The following SYN2 variants were observed in gnomAD, a reference collection of about 807,000 sequenced individuals.
SYN2 encodes the protein synapsin-2.
Under a neutral mutation model 50.9 loss-of-function variants are expected in SYN2, and 19 were observed. That is an observed-to-expected ratio of 0.37 (90% CI 0.26 to 0.55). The LOEUF is 0.55. SYN2 is among the 20% of genes least tolerant of loss of function. SYN2 has a pLI of 0.81. For synonymous variants in SYN2, 255 were observed against 224.9 expected, an observed-to-expected ratio of 1.13 and a Z score of -1.20; for missense variants, 587 against 576.4, an observed-to-expected ratio of 1.02 and a Z score of -0.19.
chr3:12,157,085 T>A, intron 5 of SYN2: 1 of 644,610 alleles, frequency 1.6e-6, no homozygotes, highest in Non-Finnish European at 2.7e-6. Flanking sequence ...TGGGTTATTT[T>A]CTCTCTTAAA....
chr3:12,085,951 A>G (rs1433916390), intron 1 of SYN2, among the ~76,000 whole-genome samples: 1 of 152,148 alleles, frequency 6.6e-6, no homozygotes, highest in Non-Finnish European at 1.5e-5. Context: ...AATATCAATA[A>G]AACTAAAAGT....
chr3:12,161,631 G>C (rs561656227), intron 6 of SYN2, 23 bp downstream of exon 6: 1 of 1,613,876 alleles, frequency 6.2e-7, no homozygotes, highest in Admixed American at 1.7e-5. Context: ...GGCCTGCTGT[G>C]CTTCAGGGTT....
At chr3:12,121,482 G>A (rs925746816) in intron 1 of SYN2, among the ~76,000 whole-genome samples, 8 of 152,134 alleles carry the variant, frequency 5.3e-5, no homozygotes, top group African/African-American at 1.9e-4. Flanking sequence ...GACAGGGAAA[G>A]GGATTGCTCT....
intron 5 of SYN2, chr3:12,153,352 G>C: frequency 2.5e-6 from 2 of 798,394 alleles, no homozygotes; most frequent in Non-Finnish European, 4.1e-6. Flanking sequence ...GGGCAGAAAA[G>C]TCATGGCCCC....
rs1693737660 is a variant in SYN2 at position 12,004,502 on chromosome 3, CCGCGCCACCAGACCCCGTAGCCCCG to C, written c.-43_-19del. On this transcript the variant is annotated 5_prime_UTR_variant, in exon 1 of 13. Transcript: ENST00000621198. Reference sequence around the variant, plus strand: ...CTCGCCTTCCGCCCTCGCTCTCCCTCCGCGCCACCAGACCCCGTAGCCCCGCGCGCCCCCAGCCCTTTAAGCCAGA... The same window carrying C: ...CTCGCCTTCCGCCCTCGCTCTCCCTCCGCGCCCCCAGCCCTTTAAGCCAGA... 4.2e-6 allele frequency: 2 copies of C among 476,498 alleles called. No individual in the cohort carries two copies. The highest frequency in any genetic ancestry group is 8.0e-6 in the Non-Finnish European group (2 of 251,456). 29.5% of individuals were successfully genotyped at this position (476,498 alleles called of 1,614,324 possible).
intron 1 of SYN2, among the ~76,000 whole-genome samples, chr3:12,018,899 T>G (rs1694073834): frequency 6.6e-6 from 1 of 152,186 alleles, no homozygotes; most frequent in South Asian, 2.1e-4. Context: ...GGTATGGTCA[T>G]GGGCACTTTT....
At chr3:12,006,334 A>G (rs889323959) in intron 1 of SYN2, among the ~76,000 whole-genome samples, 4 of 152,226 alleles carry the variant, frequency 2.6e-5, no homozygotes, top group Non-Finnish European at 5.9e-5. Flanking sequence ...TGACAAAGGC[A>G]CATGGAAGAG....
chr3:12,096,874 A>ATGT (rs1559418263), intron 1 of SYN2, among the ~76,000 whole-genome samples: 1 of 152,178 alleles, frequency 6.6e-6, no homozygotes, highest in African/African-American at 2.4e-5. Context: ...AAAGAAAAAA[A>ATGT]TGTACAGAGC....
chr3:12,128,382 T>G lies in SYN2; in HGVS notation c.378-12269T>G, dbSNP rs183680555. Among the ~76,000 whole-genome samples the G allele has an allele frequency of 2.0e-5, 3 of 152,310 alleles. No individual in the cohort carries two copies. In the East Asian group the frequency reaches 5.8e-4, roughly 29 times the overall value. On this transcript the variant is annotated intron_variant, in intron 1 of 12. Coordinates refer to ENST00000621198, the MANE Select transcript of SYN2 (RefSeq NM_133625.6). The stretch of plus-strand genomic sequence containing the variant: ...AGTCTTCTTCAATTTGGAGGAGAGT[T>G]ACCTTTCTTGCTCTAAGGAGGCAGC...
intron 1 of SYN2, among the ~76,000 whole-genome samples, chr3:12,096,821 A>C (rs572504015): frequency 3.4e-4 from 52 of 152,230 alleles, no homozygotes; most frequent in Non-Finnish European, 4.0e-4. Flanking sequence ...AAAAAAATGA[A>C]CTTGAAAATA....
At chr3:12,163,015 C>A (rs1167678827) in intron 7 of SYN2, among the ~76,000 whole-genome samples, 1 of 151,874 alleles carries the variant, frequency 6.6e-6, no homozygotes. Flanking sequence ...CCGAGGCGGG[C>A]GGATCACGAG....
At chr3:12,190,002 G>C (rs1297567771) in intron 12 of SYN2, among the ~76,000 whole-genome samples, 1 of 152,194 alleles carries the variant, frequency 6.6e-6, no homozygotes, top group East Asian at 1.9e-4. Context: ...AGGAGGGAGT[G>C]AGTGGCAAAA....
chr3:12,125,019 TTTC>T (rs1696638443), intron 1 of SYN2, among the ~76,000 whole-genome samples: 1 of 151,012 alleles, frequency 6.6e-6, no homozygotes, highest in African/African-American at 2.4e-5. Context: ...GCTGAGGATT[TTTC>T]TTTTTTTTTT....
chr3:12,163,597 A>T (rs1167585005), intron 7 of SYN2, among the ~76,000 whole-genome samples: 8 of 152,192 alleles, frequency 5.3e-5, no homozygotes, highest in Admixed American at 5.2e-4. Context: ...CTGCATCTCC[A>T]TTACCATGTA....
intron 1 of SYN2, among the ~76,000 whole-genome samples, chr3:12,129,110 G>T (rs1696733528): frequency 2.0e-5 from 3 of 152,106 alleles, no homozygotes; most frequent in South Asian, 4.1e-4. Context: ...AATAATAAAA[G>T]ATTTCAAAAT....
intron 11 of SYN2, chr3:12,183,722 G>A: frequency 8.2e-7 from 1 of 1,213,874 alleles, no homozygotes; most frequent in Non-Finnish European, 1.0e-6. Context: ...CAAGTCCAGT[G>A]TGACTTTATC....
At chr3:12,179,652 A>G (rs1438522152) in intron 10 of SYN2, among the ~76,000 whole-genome samples, 1 of 152,238 alleles carries the variant, frequency 6.6e-6, no homozygotes, top group Non-Finnish European at 1.5e-5. Context: ...GACTCAGGAT[A>G]AGTAACTTGC....
chr3:12,107,205 G>A (rs1172110594), intron 1 of SYN2, among the ~76,000 whole-genome samples: 1 of 152,146 alleles, frequency 6.6e-6, no homozygotes, highest in Non-Finnish European at 1.5e-5. Flanking sequence ...AAAAATACTT[G>A]AAATTGGGCA....
chr3:12,109,808 G>A (rs1265951293), intron 1 of SYN2, among the ~76,000 whole-genome samples: 1 of 152,172 alleles, frequency 6.6e-6, no homozygotes, highest in Admixed American at 6.5e-5. Flanking sequence ...GAGAAATTCA[G>A]ATCTAAGTTT....
Sources: gnomAD v4.1 joint callset for allele counts (sites outside exome capture counted in the v4.1 genomes callset) on GRCh38, gnomAD v4.1.1 for gene constraint, MANE v1.5 for transcripts, NCBI Gene and HGNC (gene_info 2026-07-23, HGNC 2026-07-21) for gene names.